LYPD4: variants seen among roughly 807,000 people sequenced by gnomAD.
The protein encoded by LYPD4 is LY6/PLAUR domain containing 4.
A neutral mutation model predicts 18.2 loss-of-function variants in LYPD4; 20 were observed. The observed-to-expected ratio is 1.10, with a 90% CI of 0.77 to 1.59. The LOEUF is 1.59. LYPD4 is among the 40% of genes most tolerant of loss of function. The probability of loss-of-function intolerance (pLI) is 0.00; values close to 1 mark genes in which losing one functional copy is unlikely to be tolerated. For missense variants in LYPD4, 278 were observed against 300.3 expected (o/e 0.93, Z 0.55); for synonymous variants, 111 against 118.3 (o/e 0.94, Z 0.40).
intron 4 of LYPD4, 91 bp downstream of exon 4, chr19:41,837,844 T>C: frequency 7.4e-7 from 1 of 1,344,576 alleles, no homozygotes; most frequent in Non-Finnish European, 1.0e-6. Context: ...ATCCCATCTC[T>C]GGATCCCACC....
downstream of LYPD4, among the ~76,000 whole-genome samples, chr19:41,836,792 AGACCCTTCCTTT>A (rs1400660626): frequency 2.0e-5 from 3 of 152,102 alleles, no homozygotes; most frequent in African/African-American, 4.8e-5. Flanking sequence ...CTAACTCATA[AGACCCTTCCTTT>A]TAAAGAGGAG....
intron 3 of LYPD4, 48 bp from the exon 4 acceptor site, chr19:41,838,309 A>G (rs373874514): frequency 1.3e-5 from 19 of 1,440,252 alleles, no homozygotes; most frequent in Non-Finnish European, 1.5e-5. Flanking sequence ...CACTGGCCTC[A>G]CCCAGAGTCC....
At chr19:41,839,804 A>T (rs1291952671) in intron 1 of LYPD4, among the ~76,000 whole-genome samples, 1 of 152,034 alleles carries the variant, frequency 6.6e-6, no homozygotes, top group Non-Finnish European at 1.5e-5. Flanking sequence ...TAATCCCATC[A>T]CTTTGGGAGG....
At chr19:41,836,955 T>C (rs2073385144), downstream of LYPD4, 1 of 1,136,490 alleles carries the variant, frequency 8.8e-7, no homozygotes, top group East Asian at 2.7e-5. Flanking sequence ...CCCCAGTTGC[T>C]GGGCAGGACA....
At chr19:41,838,373 C>T in intron 3 of LYPD4, 112 bp from the exon 4 acceptor site, 1 of 889,548 alleles carries the variant, frequency 1.1e-6, no homozygotes, top group Non-Finnish European at 1.6e-6. Context: ...TCTGTGCCTC[C>T]CTCCCCAACC....
Position 41,838,206 on chromosome 19 carries a change from A to G in LYPD4, c.267T>C (p.Pro89=), listed in dbSNP as rs2073437723. 10 of 1,568,594 alleles carry G rather than the reference A, an allele frequency of 6.4e-6. No individual in the cohort carries two copies. Among genetic ancestry groups the G allele is most frequent in the Non-Finnish European group, 8.6e-6 (10 of 1,156,384 alleles). The part of the protein sequence containing the change: ...FKGCSSSSSY[P]AQISYLVSPP... ...GGGAAACAAGGTAGGAGATTTGCGC[A>G]GGGTAAGACGAAGACGAGCTGCAGC... Residue 89 remains proline (P), a synonymous_variant, in exon 4 of 5, where the codon CCT becomes CCC. Transcript: ENST00000609812.
chr19:41,840,478 T>A (rs1555833035), intron 1 of LYPD4, among the ~76,000 whole-genome samples: 1 of 152,186 alleles, frequency 6.6e-6, no homozygotes, highest in Non-Finnish European at 1.5e-5. Flanking sequence ...TCCAAGGGAC[T>A]CTATGTACCA....
Position 41,837,336 on chromosome 19 carries a change from T to C in LYPD4, c.548A>G (p.Asn183Ser), listed in dbSNP as rs1555830814. 6.2e-7 allele frequency: 1 copy of C among 1,613,912 alleles called. No individual in the cohort carries two copies. Among genetic ancestry groups the C allele is most frequent in the Admixed American group, 1.7e-5 (1 of 60,006 alleles). The change falls in exon 5 of 5, where the codon AAT (asparagine) becomes AGT (serine). Residue 183 changes from asparagine to serine, a missense_variant. Asn to Ser is a conservative substitution (Grantham distance 46, BLOSUM62 1). Coordinates refer to ENST00000609812, the MANE Select transcript of LYPD4 (RefSeq NM_173506.7). ...STLKFQAGFL[N>S]TTFLLMGCAR... ...ACACCCCATGAGGAGGAAGGTGGTA[T>C]TGAGAAACCCTGTAAGGAAGAGAGG...
chr19:41,838,254 T>G lies in LYPD4; in HGVS notation c.219A>C (p.Ala73=). 3.3e-6 allele frequency: 5 copies of G among 1,525,368 alleles called. No individual in the cohort carries two copies. The highest frequency in any genetic ancestry group is 1.3e-5 in the South Asian group (1 of 76,804). 94.5% of individuals were successfully genotyped at this position (1,525,368 alleles called of 1,614,324 possible). Reference sequence around the variant, plus strand: ...AGCCTTTAAAGCCCACGACTCCCCTTGCAGTCCCTGAGGAGCAGAGGATTG... The same window carrying G: ...AGCCTTTAAAGCCCACGACTCCCCTGGCAGTCCCTGAGGAGCAGAGGATTG... The part of the protein sequence containing the change: ...ETLVFIETGT[A]RGVVGFKGCS... Residue 73 remains alanine, a synonymous_variant, in exon 4 of 5, where the codon GCA becomes GCC. Transcript: ENST00000609812.
intron 1 of LYPD4, among the ~76,000 whole-genome samples, chr19:41,843,054 AAAAAAAAAAAAAAAAAAAAAAAACC>A (rs1600568615): frequency 5.2e-5 from 3 of 57,800 alleles, no homozygotes; most frequent in African/African-American, 1.6e-4. Flanking sequence ...AAAAAAAAAA[AAAAAAAAAAAAAAAAAAAAAAAACC>A]CCAACAACAA....
At chr19:41,842,780 A>C (rs2073645837) in intron 1 of LYPD4, among the ~76,000 whole-genome samples, 4 of 148,142 alleles carry the variant, frequency 2.7e-5, no homozygotes, top group Non-Finnish European at 6.0e-5. Context: ...AAAAAAAAAA[A>C]AAAAAAAAAA....
Position 41,838,954 on chromosome 19 carries a change from C to T in LYPD4, c.138G>A (p.Lys46=), listed in dbSNP as rs1249277069. Residue 46 remains lysine (K), a synonymous_variant, in exon 3 of 5, where the codon AAG becomes AAA. Transcript: ENST00000609812. The part of the protein sequence containing the change: ...RFRAVAFHNW[K]WLLMRNMVCK... Reference sequence around the variant, plus strand: ...ACACCATGTTCCTCATCAGAAGCCACTTCCAGTTATGGAAAGCAACAGCTC... The same window carrying T: ...ACACCATGTTCCTCATCAGAAGCCATTTCCAGTTATGGAAAGCAACAGCTC... 2 of 1,613,998 alleles carry T rather than the reference C, an allele frequency of 1.2e-6. No individual in the cohort carries two copies. The highest frequency in any genetic ancestry group is 2.2e-5 in the East Asian group (1 of 44,866).
In LYPD4 at chr19:41,837,971, A is replaced by G. The variant is rs996566176; in HGVS notation, c.502T>C (p.Ser168Pro). The G allele has an allele frequency of 6.2e-7, 1 of 1,613,350 alleles. No individual in the cohort carries two copies. The highest frequency in any genetic ancestry group is 2.2e-5 in the East Asian group (1 of 44,848). ...VTTNSCPLAA[S>P]TCYSSTLKFQ... is the part of the protein sequence containing the mutation. ...TTTAAGGTGGAACTGTAACACGTAG[A>G]AGCAGCCAAGGGGCAAGAATTAGTG... is the stretch of plus-strand genomic sequence containing the variant. The change falls in exon 4 of 5, where the codon TCT becomes CCT. Residue 168 changes from serine to proline, a missense_variant. Ser to Pro is a moderately conservative substitution (Grantham distance 74). Coordinates refer to ENST00000609812, the MANE Select transcript of LYPD4 (RefSeq NM_173506.7).
At chr19:41,842,744 A>G (rs2073636681) in intron 1 of LYPD4, among the ~76,000 whole-genome samples, 1 of 130,876 alleles carries the variant, frequency 7.6e-6, no homozygotes, top group Non-Finnish European at 1.6e-5. Flanking sequence ...CTGGGCAATA[A>G]GAGTGAAACT....
Position 41,837,171 on chromosome 19 carries a change from A to G in LYPD4, c.713T>C (p.Leu238Ser), listed in dbSNP as rs782717889. 6.2e-7 allele frequency: 1 copy of G among 1,614,046 alleles called. No individual in the cohort carries two copies. Among genetic ancestry groups the G allele is most frequent in the South Asian group, 1.1e-5 (1 of 91,082 alleles). ...GTCCCTGAAGGCAAACAGGAGGCCTAAGACGACACCCCAAGCAGGATCTTG... is the reference window on the plus strand; with the variant it reads ...GTCCCTGAAGGCAAACAGGAGGCCTGAGACGACACCCCAAGCAGGATCTTG... Reference protein sequence around the residue: ...SRQDPAWGVVLGLLFAFRD With the variant: ...SRQDPAWGVVSGLLFAFRD The change falls in exon 5 of 5, where the codon TTA becomes TCA. Residue 238 changes from leucine (L) to serine (S), a missense_variant. By Grantham distance (145) the Leu-to-Ser change is moderately radical. Transcript: ENST00000609812.
rs1481773644 is a variant in LYPD4, at chr19:41,844,536, A to AG, written c.-1080dup. 7.2e-5 allele frequency: 11 copies of AG among 152,270 alleles called. No individual in the cohort carries two copies. The highest frequency in any genetic ancestry group is 7.2e-4 in the Admixed American group (11 of 15,280). The allele number at this position is 152,270 out of a possible 1,614,324, so 9.4% of individuals were successfully genotyped here. On this transcript the variant is annotated 5_prime_UTR_variant, in exon 1 of 5. Transcript: ENST00000609812. Reference sequence around the variant, plus strand: ...GCGCTGGGAGAGAACGCATAAAAGAAGGGTAGCTCAGGAGTTGTGGGGCAC... The same window carrying AG: ...GCGCTGGGAGAGAACGCATAAAAGAAGGGGTAGCTCAGGAGTTGTGGGGCAC...
intron 1 of LYPD4, among the ~76,000 whole-genome samples, chr19:41,842,631 G>A (rs1417905324): frequency 6.6e-6 from 1 of 151,328 alleles, no homozygotes; most frequent in Non-Finnish European, 1.5e-5. Flanking sequence ...GGTGGTGGGA[G>A]CCTGTAATCC....
At chr19:41,836,000 A>G, downstream of LYPD4, 1 of 180,360 alleles carries the variant, frequency 5.5e-6, no homozygotes, top group Non-Finnish European at 1.1e-5. Flanking sequence ...AGATAGTGGG[A>G]GAGAATTAAA....
At chr19:41,835,351 C>A (rs1443718644), downstream of LYPD4, 1 of 152,234 alleles carries the variant, frequency 6.6e-6, no homozygotes, top group Non-Finnish European at 1.5e-5. Flanking sequence ...TATGTCCTGT[C>A]CCTGGTATCA....
Sources: gnomAD v4.1 joint callset for allele counts (sites outside exome capture counted in the v4.1 genomes callset) on GRCh38, gnomAD v4.1.1 for gene constraint, MANE v1.5 for transcripts, NCBI Gene and HGNC (gene_info 2026-07-23, HGNC 2026-07-21) for gene names.